RNF139: variants seen among roughly 807,000 people sequenced by gnomAD.
RNF139 encodes the protein E3 ubiquitin-protein ligase RNF139.
In RNF139, 15 loss-of-function variants were observed where a neutral mutation model predicts 49.5. The ratio of observed to expected loss-of-function variants is 0.30; its 90% CI spans 0.20 to 0.47. The LOEUF is 0.47. Ranked by LOEUF, RNF139 falls within the 20% of genes least tolerant of loss-of-function variation. The pLI is 1.00. For synonymous variants in RNF139, 325 were observed against 300.9 expected (o/e 1.08, Z -0.83); for missense variants, 619 against 806.3 (o/e 0.77, Z 2.81).
chr8:124,483,107 A>ATAT (rs1403803842), intron 1 of RNF139, among the ~76,000 whole-genome samples: 39 of 1,912 alleles, frequency 0.02, 4 homozygotes, highest in Admixed American at 0.033. Context: ...AAATATATAT[A>ATAT]TTAAAAATAT....
In RNF139 at chr8:124,482,939, A is replaced by AT. The variant is rs1563630936; in HGVS notation, c.182-2892_182-2891insT. On this transcript the variant is annotated intron_variant, in intron 1 of 1. Coordinates refer to ENST00000303545, the MANE Select transcript of RNF139 (RefSeq NM_007218.4). ...GAAACTCCATTAAAAAAAATATAAAAAAAAATATATATATATATAATATAT... is the reference window on the plus strand; with the variant it reads ...GAAACTCCATTAAAAAAAATATAAAATAAAAATATATATATATATAATATAT... Among the ~76,000 whole-genome samples the AT allele has an allele frequency of 6.7e-3, 597 of 89,548 alleles. 18 individuals carry two copies. Among genetic ancestry groups the AT allele is most frequent in the Non-Finnish European group, 0.012 (500 of 41,970 alleles). The allele number at this position is 89,548 out of a possible 152,430, so 58.7% of individuals were successfully genotyped here.
At chr8:124,476,997 G>C (rs1342270942) in intron 1 of RNF139, among the ~76,000 whole-genome samples, 2 of 152,182 alleles carry the variant, frequency 1.3e-5, no homozygotes, top group African/African-American at 4.8e-5. Context: ...TAAGGCAACT[G>C]CTCAGTGCTT....
rs189894149 is a variant in RNF139, at chr8:124,485,546, T to C, written c.182-285T>C. 3.3e-3 allele frequency among the ~76,000 whole-genome samples: 506 copies of C among 152,370 alleles called. 1 individual carries two copies. Among genetic ancestry groups the C allele is most frequent in the Middle Eastern group, 6.8e-3 (2 of 294 alleles). ...CTACAAATTCATCTTGAAAATAATT[T>C]AGTAATTTGGTGCCTTGGACAGCTA... is the stretch of plus-strand genomic sequence containing the variant. On this transcript the variant is annotated intron_variant, in intron 1 of 1. Coordinates refer to ENST00000303545, the MANE Select transcript of RNF139 (RefSeq NM_007218.4).
chr8:124,475,142 G>T lies in RNF139; in HGVS notation c.33G>T (p.Val11=), dbSNP rs753745825. The change falls in exon 1 of 2, where the codon GTG becomes GTT. Residue 11 remains valine, a synonymous_variant. Transcript: ENST00000303545. MAAVGPPQQQ[V]RMAHQQVWAA... Reference sequence around the variant, plus strand: ...CCGTGGGGCCCCCGCAGCAGCAGGTGCGGATGGCCCATCAGCAGGTCTGGG... The same window carrying T: ...CCGTGGGGCCCCCGCAGCAGCAGGTTCGGATGGCCCATCAGCAGGTCTGGG... 1 of 1,606,706 alleles carries T rather than the reference G, an allele frequency of 6.2e-7. No individual in the cohort carries two copies.
At chr8:124,483,114 A>ATT (rs1816476304) in intron 1 of RNF139, among the ~76,000 whole-genome samples, 1 of 95,424 alleles carries the variant, frequency 1.0e-5, no homozygotes, top group African/African-American at 4.5e-5. Flanking sequence ...TATATTAAAA[A>ATT]TATATATATT....
chr8:124,485,755 A>G, intron 1 of RNF139, 76 bp from the exon 2 acceptor site: 1 of 1,214,300 alleles, frequency 8.2e-7, no homozygotes, highest in Non-Finnish European at 1.1e-6. Context: ...AATTAAAGGA[A>G]GAATATCATA....
intron 1 of RNF139, among the ~76,000 whole-genome samples, chr8:124,477,521 T>A (rs1816333524): frequency 6.6e-6 from 1 of 152,214 alleles, no homozygotes; most frequent in East Asian, 1.9e-4. Context: ...TAAAAAGCAT[T>A]ACCAGTTTTA....
Position 124,487,758 on chromosome 8 carries a change from T to C in RNF139, c.*114T>C. On this transcript the variant is annotated 3_prime_UTR_variant, in exon 2 of 2. Transcript: ENST00000303545. ...CCAAGCACAAAAACAGTATCAATGT[T>C]GAATCTGTGAATGGTTTTCCGTTTA... 1.0e-6 allele frequency: 1 copy of C among 989,852 alleles called. No homozygotes were observed. The highest frequency in any genetic ancestry group is 1.5e-6 in the Non-Finnish European group (1 of 687,394). 61.3% of individuals were successfully genotyped at this position (989,852 alleles called of 1,614,324 possible). A position where few individuals can be genotyped will look rare whatever the true frequency, so the allele number is the denominator to read the frequency against.
chr8:124,483,026 T>TAA (rs370370558), intron 1 of RNF139, among the ~76,000 whole-genome samples: 1 of 94,276 alleles, frequency 1.1e-5, no homozygotes, highest in Non-Finnish European at 1.9e-5. Context: ...TATATATATT[T>TAA]AAATATATAT....
chr8:124,488,498 T>G lies in RNF139; in HGVS notation c.*854T>G. ...GGTGTGTACCGATATATAGTATTTC[T>G]TTAGACAACTTGCAGATAATTTCTT... is the stretch of plus-strand genomic sequence containing the variant. On this transcript the variant is annotated 3_prime_UTR_variant, in exon 2 of 2. Transcript: ENST00000303545. 1.5e-6 allele frequency: 1 copy of G among 660,766 alleles called. No homozygotes were observed. The highest frequency in any genetic ancestry group is 2.8e-5 in the East Asian group (1 of 35,820). The allele number at this position is 660,766 out of a possible 1,614,324, so 40.9% of individuals were successfully genotyped here. A position where few individuals can be genotyped will look rare whatever the true frequency, so the allele number is the denominator to read the frequency against.
chr8:124,483,065 TA>T (rs1473858865), intron 1 of RNF139, among the ~76,000 whole-genome samples: 1 of 87,058 alleles, frequency 1.1e-5, no homozygotes, highest in Non-Finnish European at 2.0e-5. Flanking sequence ...ATTAAAAATA[TA>T]TATATATTAT....
Position 124,487,462 on chromosome 8 carries a change from A to G in RNF139, c.1813A>G (p.Asn605Asp). ...IKDNSNVSNN[N>D]GFIPPNETPE... ...GGATAATTCAAATGTATCTAACAAC[A>G]ATGGATTTATTCCACCCAATGAAAC... The change falls in exon 2 of 2, where the codon AAT becomes GAT. Residue 605 changes from asparagine to aspartate, a missense_variant. By Grantham distance (23) the Asn-to-Asp change is conservative. Transcript: ENST00000303545. 6.2e-7 allele frequency: 1 copy of G among 1,614,080 alleles called. No homozygotes were observed. The highest frequency in any genetic ancestry group is 8.5e-7 in the Non-Finnish European group (1 of 1,179,972).
chr8:124,477,648 T>C (rs1340023358), intron 1 of RNF139, among the ~76,000 whole-genome samples: 1 of 152,232 alleles, frequency 6.6e-6, no homozygotes, highest in East Asian at 1.9e-4. Context: ...AAGCAACTCA[T>C]TTTGGAGATC....
In RNF139 at chr8:124,486,734, C is replaced by A; in HGVS notation, c.1085C>A (p.Ala362Glu). ...LSRNMCLLLT[A>E]VLHFIHGMTD... Reference sequence around the variant, plus strand: ...AGAAACATGTGCCTTTTATTAACTGCAGTCCTGCATTTTATCCATGGAATG... The same window carrying A: ...AGAAACATGTGCCTTTTATTAACTGAAGTCCTGCATTTTATCCATGGAATG... The change falls in exon 2 of 2, where the codon GCA (alanine) becomes GAA (glutamate). Residue 362 changes from alanine (A) to glutamate (E), a missense_variant. Ala to Glu is a moderately radical substitution (Grantham distance 107, BLOSUM62 -1). Coordinates refer to ENST00000303545, the MANE Select transcript of RNF139 (RefSeq NM_007218.4). The A allele has an allele frequency of 6.2e-7, 1 of 1,613,946 alleles. No homozygotes were observed. Among genetic ancestry groups the A allele is most frequent in the Non-Finnish European group, 8.5e-7 (1 of 1,179,916 alleles).
intron 1 of RNF139, among the ~76,000 whole-genome samples, chr8:124,480,186 T>C (rs1025873038): frequency 6.6e-6 from 1 of 151,770 alleles, no homozygotes; most frequent in Non-Finnish European, 1.5e-5. Context: ...CCTAGATGTA[T>C]ATGTAAATAT....
In RNF139 at chr8:124,487,481, A is replaced by G. The variant is rs1315086378; in HGVS notation, c.1832A>G (p.Asn611Ser). 6 of 1,613,962 alleles carry G rather than the reference A, an allele frequency of 3.7e-6. No individual in the cohort carries two copies. The South Asian group carries it at 4.4e-5, about 12-fold the overall frequency. ...VSNNNGFIPP[N>S]ETPEEAVREA... ...AACAACAATGGATTTATTCCACCCAATGAAACTCCAGAGGAAGCTGTAAGA... is the reference window on the plus strand; with the variant it reads ...AACAACAATGGATTTATTCCACCCAGTGAAACTCCAGAGGAAGCTGTAAGA... The change falls in exon 2 of 2, where the codon AAT becomes AGT. Residue 611 changes from asparagine to serine, a missense_variant. Coordinates refer to ENST00000303545, the MANE Select transcript of RNF139 (RefSeq NM_007218.4).
At chr8:124,477,014 C>G (rs1030565603) in intron 1 of RNF139, among the ~76,000 whole-genome samples, 2 of 152,098 alleles carry the variant, frequency 1.3e-5, no homozygotes, top group African/African-American at 4.8e-5. Flanking sequence ...GCTTTGGTTT[C>G]TTATTTTTAC....
Position 124,483,026 on chromosome 8 carries a change from TAA to T in RNF139, c.182-2803_182-2802del, listed in dbSNP as rs370370558. On this transcript the variant is annotated intron_variant, in intron 1 of 1. Coordinates refer to ENST00000303545, the MANE Select transcript of RNF139 (RefSeq NM_007218.4). ...TATATTAAAAATATATATATATATTTAAATATATATATATTTAAAAATATATC... is the reference window on the plus strand; with the variant it reads ...TATATTAAAAATATATATATATATTTATATATATATATTTAAAAATATATC... Among the ~76,000 whole-genome samples the T allele has an allele frequency of 6.4e-5, 6 of 94,252 alleles. 1 individual carries two copies. The highest frequency in any genetic ancestry group is 2.7e-4 in the Admixed American group (2 of 7,398). The allele number at this position is 94,252 out of a possible 152,430, so 61.8% of individuals were successfully genotyped here. A position where few individuals can be genotyped will look rare whatever the true frequency, so the allele number is the denominator to read the frequency against.
Position 124,487,437 on chromosome 8 carries a change from G to T in RNF139, c.1788G>T (p.Lys596Asn), listed in dbSNP as rs139815535. The T allele has an allele frequency of 1.9e-6, 3 of 1,613,886 alleles. No individual in the cohort carries two copies. The African/African-American group carries it at 4.0e-5, about 22-fold the overall frequency. ...AAGTATACATCGAAGATGATATCAA[G>T]GATAATTCAAATGTATCTAACAACA... ...HQKVYIEDDI[K>N]DNSNVSNNNG... Residue 596 changes from lysine to asparagine, a missense_variant, in exon 2 of 2, where the codon AAG (lysine) becomes AAT (asparagine). By Grantham distance (94) the Lys-to-Asn change is moderately conservative (BLOSUM62 0). Coordinates refer to ENST00000303545, the MANE Select transcript of RNF139 (RefSeq NM_007218.4).
Sources: allele counts gnomAD v4.1 joint callset (sites outside exome capture counted in the v4.1 genomes callset), GRCh38; gene constraint gnomAD v4.1.1; transcripts MANE v1.5; gene names NCBI Gene and HGNC (gene_info 2026-07-23, HGNC 2026-07-21).